ITGA4: variants seen among roughly 807,000 people sequenced by gnomAD.
ITGA4 encodes the protein integrin subunit alpha 4.
In ITGA4, 63 loss-of-function variants were observed where a neutral mutation model predicts 133.6. The ratio of observed to expected loss-of-function variants is 0.47; its 90% confidence interval spans 0.38 to 0.58. The LOEUF is 0.58. Among genes scored for constraint, ITGA4 ranks in the 20% least tolerant of loss-of-function variants. The probability of loss-of-function intolerance (pLI) is 0.00; values close to 1 mark genes in which losing one functional copy is unlikely to be tolerated. For missense variants in ITGA4, 1,076 were observed against 1,252.7 expected (o/e 0.86, Z 2.13); for synonymous variants, 483 against 438.0 (o/e 1.10, Z -1.28).
chr2:181,527,576 C>T, intron 22 of ITGA4, 189 bp downstream of exon 22: 2 of 504,506 alleles, frequency 4.0e-6, no homozygotes, highest in Middle Eastern at 6.3e-4. Context: ...TTGTCTTGTC[C>T]CTGATATTCA....
At chr2:181,502,618 T>C in intron 15 of ITGA4, among the ~76,000 whole-genome samples, 1 of 152,102 alleles carries the variant, frequency 6.6e-6, no homozygotes, top group East Asian at 1.9e-4. Flanking sequence ...CTGATTGCTT[T>C]AATAATCTCA....
chr2:181,491,141 A>G (rs961686557), intron 10 of ITGA4, among the ~76,000 whole-genome samples: 1 of 152,226 alleles, frequency 6.6e-6, no homozygotes, highest in African/African-American at 2.4e-5. Flanking sequence ...GTATGGAAAA[A>G]AATTTATCTG....
At chr2:181,478,581 G>C (rs1005186541) in intron 4 of ITGA4, among the ~76,000 whole-genome samples, 176 bp from the exon 5 acceptor site, 1 of 151,928 alleles carries the variant, frequency 6.6e-6, no homozygotes. Context: ...CCATTTCATA[G>C]GGATATTTTG....
chr2:181,523,218 ACAT>A lies in ITGA4; in HGVS notation c.2074-218_2074-216del. ...TATATATACACACACATATATACAC[ACAT>A]ATATACATACATATATATACACATA... On this transcript the variant is annotated intron_variant, in intron 18 of 27. Coordinates refer to ENST00000397033, the MANE Select transcript of ITGA4 (RefSeq NM_000885.6). The surrounding 1 kb of genome is among the most constrained non-coding windows in gnomAD (Gnocchi z 4.2). The A allele has an allele frequency of 2.5e-6, 1 of 397,930 alleles. No individual in the cohort carries two copies. Among genetic ancestry groups the A allele is most frequent in the Non-Finnish European group, 4.7e-6 (1 of 213,900 alleles). The allele number at this position is 397,930 out of a possible 1,614,324, so 24.6% of individuals were successfully genotyped here.
rs1686469260 is a variant in ITGA4 at position 181,509,785 on chromosome 2, A to T, written c.1823A>T (p.Glu608Val). ...PLQPILQQKKEKDIMKKTINF... is the reference protein window; with the variant it reads ...PLQPILQQKKVKDIMKKTINF... ...CAGCCAATTCTTCAGCAGAAGAAAG[A>T]AAAAGACATAATGAAAAAAACAGTA... is the stretch of plus-strand genomic sequence containing the variant. The change falls in exon 16 of 28, where the codon GAA becomes GTA. Residue 608 changes from glutamate to valine, a missense_variant. Glu to Val is a moderately radical substitution (Grantham distance 121, BLOSUM62 -2). Transcript: ENST00000397033. 1.2e-6 allele frequency: 2 copies of T among 1,607,824 alleles called. No individual in the cohort carries two copies. Among genetic ancestry groups the T allele is most frequent in the Non-Finnish European group, 1.7e-6 (2 of 1,176,872 alleles).
At position 181,498,791 on chromosome 2, in the gene ITGA4, T is replaced by C. The variant is rs199837621; in HGVS notation, c.1695+14T>C. 3.8e-6 allele frequency: 6 copies of C among 1,578,898 alleles called. No homozygotes were observed. Among genetic ancestry groups the C allele is most frequent in the Middle Eastern group, 1.7e-4 (1 of 5,910 alleles). On this transcript the variant is annotated intron_variant, in intron 15 of 27. Transcript: ENST00000397033. ...GCATTTATGCGGGTAATGTAAGCTA[T>C]TTTTTATTAATGAATATGTGAACTT...
At chr2:181,475,895 G>C in intron 4 of ITGA4, 3 of 1,563,748 alleles carry the variant, frequency 1.9e-6, no homozygotes, top group African/African-American at 2.7e-5. Flanking sequence ...GAGCATGTCA[G>C]AGGATATCTG....
chr2:181,481,466 T>C, intron 6 of ITGA4, 132 bp from the exon 7 acceptor site: 1 of 380,860 alleles, frequency 2.6e-6, no homozygotes, highest in South Asian at 5.0e-5. Context: ...AGTATCTCTA[T>C]GCTAAATATT....
intron 21 of ITGA4, among the ~76,000 whole-genome samples, chr2:181,526,273 T>C (rs79092121): frequency 0.015 from 2,359 of 152,294 alleles, 70 homozygotes; most frequent in African/African-American, 0.055. Flanking sequence ...GTCTTCCTAT[T>C]TTTCTGTTAT....
At chr2:181,498,573 T>C (rs747951489) in intron 14 of ITGA4, 50 bp from the exon 15 acceptor site, 1 of 1,154,414 alleles carries the variant, frequency 8.7e-7, no homozygotes, top group Admixed American at 2.0e-5. Flanking sequence ...AAAATAACAA[T>C]AGATGTATTT....
chr2:181,530,469 T>G, intron 23 of ITGA4, 55 bp from the exon 24 acceptor site: 1 of 1,536,146 alleles, frequency 6.5e-7, no homozygotes, highest in South Asian at 1.2e-5. Flanking sequence ...GGTTGCTTTT[T>G]GCTGTTTTTT....
chr2:181,464,039 A>G (rs1260561699), intron 2 of ITGA4, among the ~76,000 whole-genome samples: 1 of 152,112 alleles, frequency 6.6e-6, no homozygotes, highest in Admixed American at 6.5e-5. Context: ...AGGTCCCCAG[A>G]TGATTCCAGT....
At chr2:181,520,977 T>A (rs1342636392) in intron 17 of ITGA4, among the ~76,000 whole-genome samples, 1 of 152,210 alleles carries the variant, frequency 6.6e-6, no homozygotes, top group Non-Finnish European at 1.5e-5. Context: ...TCCTACTGTA[T>A]CTTTAGTATT....
At chr2:181,460,566 A>AATGTGTGTGTGTGTGT (rs79689303) in intron 2 of ITGA4, among the ~76,000 whole-genome samples, 5,187 of 147,960 alleles carry the variant, frequency 0.035, 144 homozygotes, top group Middle Eastern at 0.089. Context: ...TCTGTAGAAG[A>AATGTGTGTGTGTGTGT]GTGTGTGTGT....
intron 9 of ITGA4, among the ~76,000 whole-genome samples, chr2:181,485,603 A>G (rs1181110209): frequency 6.6e-6 from 1 of 152,212 alleles, no homozygotes; most frequent in Non-Finnish European, 1.5e-5. Flanking sequence ...AATATTTGCT[A>G]AATTGAATTA....
At chr2:181,466,151 C>A (rs1205402516) in intron 2 of ITGA4, among the ~76,000 whole-genome samples, 2 of 151,888 alleles carry the variant, frequency 1.3e-5, no homozygotes, top group Non-Finnish European at 2.9e-5. Flanking sequence ...AAAATCAAAC[C>A]CAGAAGTGAC....
intron 16 of ITGA4, among the ~76,000 whole-genome samples, chr2:181,510,874 T>C (rs1686492733): frequency 1.3e-5 from 2 of 152,018 alleles, no homozygotes; most frequent in African/African-American, 4.8e-5. Flanking sequence ...TTAATTTATA[T>C]TTTGATTCTT....
At chr2:181,468,140 C>T (rs1050994424) in intron 2 of ITGA4, among the ~76,000 whole-genome samples, 2 of 152,206 alleles carry the variant, frequency 1.3e-5, no homozygotes, top group African/African-American at 2.4e-5. Context: ...TGCAGAAACC[C>T]TCGGAGATAG....
intron 17 of ITGA4, among the ~76,000 whole-genome samples, chr2:181,514,015 G>A (rs906470096): frequency 1.4e-4 from 22 of 152,186 alleles, no homozygotes; most frequent in Middle Eastern, 3.4e-3. Context: ...TGACTGGAGA[G>A]GTTTGCTGAG....
Sources: gnomAD v4.1 joint callset for allele counts (sites outside exome capture counted in the v4.1 genomes callset) on GRCh38, gnomAD v4.1.1 for gene constraint, Gnocchi (gnomAD v3.1) non-coding constraint, MANE v1.5 for transcripts, NCBI Gene and HGNC (gene_info 2026-07-23, HGNC 2026-07-21) for gene names.